The following CCSER1 variants were observed in gnomAD, a reference collection of about 807,000 sequenced individuals.
CCSER1 encodes the protein coiled-coil serine rich protein 1.
A neutral mutation model predicts 82.0 loss-of-function variants in CCSER1; 41 were observed. The ratio of observed to expected loss-of-function variants is 0.50; its 90% CI spans 0.39 to 0.65. CCSER1 has a LOEUF of 0.65. Among genes scored for constraint, CCSER1 ranks in the 30% least tolerant of loss-of-function variants. CCSER1 has a pLI of 0.00. For missense variants in CCSER1, 1,119 were observed against 1,064.2 expected (o/e 1.05, Z -0.72); for synonymous variants, 414 against 383.9 (o/e 1.08, Z -0.92).
intron 10 of CCSER1, among the ~76,000 whole-genome samples, chr4:91,225,406 T>A (rs1228806778): frequency 7.0e-6 from 1 of 143,142 alleles, no homozygotes; most frequent in Non-Finnish European, 1.5e-5. Context: ...TCATATATAT[T>A]ATATATATGA....
At chr4:91,158,527 ATAG>A (rs1731050175) in intron 10 of CCSER1, among the ~76,000 whole-genome samples, 1 of 151,994 alleles carries the variant, frequency 6.6e-6, no homozygotes, top group Non-Finnish European at 1.5e-5. Context: ...TGTATGGCGC[ATAG>A]TATAATTTTG....
intron 10 of CCSER1, among the ~76,000 whole-genome samples, chr4:91,095,453 C>A (rs928339508): frequency 6.6e-6 from 1 of 152,124 alleles, no homozygotes; most frequent in Non-Finnish European, 1.5e-5. Flanking sequence ...GGCCTTCACC[C>A]TCCTTATGGC....
intron 10 of CCSER1, among the ~76,000 whole-genome samples, chr4:91,464,251 C>T (rs955751301): frequency 6.6e-6 from 1 of 152,026 alleles, no homozygotes; most frequent in Non-Finnish European, 1.5e-5. Context: ...TCCAGCCAAA[C>T]TAAGCTTCAT....
chr4:90,323,872 A>G (rs1278725432), intron 3 of CCSER1, among the ~76,000 whole-genome samples: 1 of 151,476 alleles, frequency 6.6e-6, no homozygotes, highest in Non-Finnish European at 1.5e-5. Context: ...TCCTGTGTCC[A>G]TGTGTTCTCA....
chr4:90,318,934 T>C (rs796932798), intron 3 of CCSER1, among the ~76,000 whole-genome samples: 8 of 152,228 alleles, frequency 5.3e-5, no homozygotes, highest in African/African-American at 1.9e-4. Flanking sequence ...ATACAACAGA[T>C]TTAACCATTT....
Position 90,277,725 on chromosome 4 carries a change from A to G in CCSER1, c.-41-30519A>G, listed in dbSNP as rs1047207661. Among the ~76,000 whole-genome samples, 4 of 152,060 alleles carry G rather than the reference A, an allele frequency of 2.6e-5. 1 individual carries two copies. Among genetic ancestry groups the G allele is most frequent in the Admixed American group, 2.6e-4 (4 of 15,248 alleles). ...ACATAAGCCCTCAAAATAAAAAAAA[A>G]TCCTAGAAGAAAGCCTAGGAAGTGC... On this transcript the variant is annotated intron_variant, in intron 1 of 10. Transcript: ENST00000509176.
chr4:90,491,147 C>A (rs1201573796), intron 5 of CCSER1, among the ~76,000 whole-genome samples: 1 of 143,594 alleles, frequency 7.0e-6, no homozygotes, highest in African/African-American at 2.8e-5. Flanking sequence ...TTCTTCCTAT[C>A]CATGAGTATG....
intron 1 of CCSER1, among the ~76,000 whole-genome samples, chr4:90,242,480 A>G (rs1055235665): frequency 6.6e-6 from 1 of 152,232 alleles, no homozygotes; most frequent in Non-Finnish European, 1.5e-5. Context: ...TATACAATTT[A>G]TTTAGAACAA....
chr4:91,020,740 T>C (rs1038735458), intron 9 of CCSER1, among the ~76,000 whole-genome samples: 5 of 152,210 alleles, frequency 3.3e-5, no homozygotes, highest in African/African-American at 1.2e-4. Context: ...ATCTGTAATT[T>C]GTGTATATAT....
intron 10 of CCSER1, among the ~76,000 whole-genome samples, chr4:91,408,705 C>T (rs1752850276): frequency 6.6e-6 from 1 of 152,148 alleles, no homozygotes; most frequent in Non-Finnish European, 1.5e-5. Flanking sequence ...TTATAATTTC[C>T]ACATGCCTTG....
chr4:90,270,963 A>G (rs1578864066), intron 1 of CCSER1, among the ~76,000 whole-genome samples: 2 of 152,174 alleles, frequency 1.3e-5, no homozygotes. Flanking sequence ...AATGGAAACT[A>G]TAAAATATTG....
intron 10 of CCSER1, among the ~76,000 whole-genome samples, chr4:91,446,498 T>C (rs1755561927): frequency 6.6e-6 from 1 of 151,726 alleles, no homozygotes; most frequent in South Asian, 2.1e-4. Context: ...ATTCAATAAA[T>C]TTTAAAACGA....
chr4:91,583,883 T>C (rs1212761778), intron 10 of CCSER1, among the ~76,000 whole-genome samples: 3 of 151,272 alleles, frequency 2.0e-5, no homozygotes, highest in African/African-American at 4.8e-5. Context: ...AAAGGACATA[T>C]TGTTGGCCAG....
chr4:90,161,750 T>G (rs1422534982), intron 1 of CCSER1, among the ~76,000 whole-genome samples: 1 of 152,126 alleles, frequency 6.6e-6, no homozygotes, highest in African/African-American at 2.4e-5. Context: ...ACTAATAGAA[T>G]GAACTAACAA....
chr4:91,225,352 GTATATATATTATATATGTAATATA>G lies in CCSER1; in HGVS notation c.2217+139362_2217+139385del, dbSNP rs1560528513. 2.8e-3 allele frequency among the ~76,000 whole-genome samples: 191 copies of G among 68,378 alleles called. 1 individual carries two copies. Among genetic ancestry groups the G allele is most frequent in the African/African-American group, 0.012 (176 of 14,486 alleles). 44.9% of individuals were successfully genotyped at this position (68,378 alleles called of 152,430 possible). A position where few individuals can be genotyped will look rare whatever the true frequency, so the allele number is the denominator to read the frequency against. On this transcript the variant is annotated intron_variant, in intron 10 of 10. Transcript: ENST00000509176. ...TATATATTATATATGTAATATATAT[GTATATATATTATATATGTAATATA>G]TATGATATAATATATATATTCATAT... is the stretch of plus-strand genomic sequence containing the variant.
At chr4:90,406,180 C>A (rs149445332) in intron 4 of CCSER1, among the ~76,000 whole-genome samples, 3 of 152,034 alleles carry the variant, frequency 2.0e-5, no homozygotes, top group Admixed American at 1.3e-4. Flanking sequence ...ATATTCCATG[C>A]AAATGGACAA....
At chr4:91,534,317 C>A (rs144488427) in intron 10 of CCSER1, among the ~76,000 whole-genome samples, 1 of 151,968 alleles carries the variant, frequency 6.6e-6, no homozygotes, top group African/African-American at 2.4e-5. Flanking sequence ...TCTTTCCGCT[C>A]TCTTCCTTTC....
chr4:90,780,728 A>C, intron 7 of CCSER1: 2 of 1,278,312 alleles, frequency 1.6e-6, no homozygotes. Context: ...CTCCAAGAAT[A>C]CTCCCTTTTT....
intron 10 of CCSER1, among the ~76,000 whole-genome samples, chr4:91,571,885 G>T (rs745621356): frequency 6.6e-6 from 1 of 152,100 alleles, no homozygotes; most frequent in African/African-American, 2.4e-5. Context: ...TGTGACCCAT[G>T]GGATATGGAC....
Sources: gnomAD v4.1 joint callset for allele counts (sites outside exome capture counted in the v4.1 genomes callset) on GRCh38, gnomAD v4.1.1 for gene constraint, MANE v1.5 for transcripts, NCBI Gene and HGNC (gene_info 2026-07-23, HGNC 2026-07-21) for gene names.